The following VSX2 variants were observed in gnomAD, a reference collection of about 807,000 sequenced individuals.
VSX2 encodes the protein ceh-10 homeo domain containing homolog.
Under a neutral mutation model 32.1 loss-of-function variants are expected in VSX2, and 28 were observed. The ratio of observed to expected loss-of-function variants is 0.87; its 90% CI spans 0.65 to 1.20. The LOEUF is 1.20. Among genes scored for constraint, VSX2 ranks in the 50% most tolerant of loss-of-function variants. VSX2 has a pLI of 0.00. For synonymous variants in VSX2, 243 were observed against 214.1 expected (o/e 1.14, Z -1.18); for missense variants, 506 against 488.7 (o/e 1.04, Z -0.33).
rs1232952228 is a variant in VSX2 at position 74,261,824 on chromosome 14, T to A, written c.*905T>A. ...AATCTCGACTCTCGTGATATGCTGC[T>A]TGTGACCTTGACTTGCCATGAAGGC... On this transcript the variant is annotated 3_prime_UTR_variant, in exon 5 of 5. Transcript: ENST00000261980. The A allele has an allele frequency of 1.3e-5, 2 of 152,532 alleles. No individual in the cohort carries two copies. Among genetic ancestry groups the A allele is most frequent in the Non-Finnish European group, 2.9e-5 (2 of 68,316 alleles). The allele number at this position is 152,532 out of a possible 1,614,324, so 9.4% of individuals were successfully genotyped here.
rs960812795 is a variant in VSX2 at position 74,241,342 on chromosome 14, C to A, written c.455+76C>A. ...TCCCCCGTTCCGGGATCGGGTCTCT[C>A]GGACCCTATTTTCGCCGACAACGGA... On this transcript the variant is annotated intron_variant, in intron 2 of 4. Transcript: ENST00000261980. The A allele has an allele frequency of 4.0e-6, 6 of 1,493,808 alleles. No homozygotes were observed. The African/African-American group carries it at 4.1e-5, about 10-fold the overall frequency. 92.5% of individuals were successfully genotyped at this position (1,493,808 alleles called of 1,614,324 possible).
chr14:74,256,671 T>C (rs2079265084), intron 3 of VSX2, among the ~76,000 whole-genome samples: 2 of 30,098 alleles, frequency 6.6e-5, no homozygotes, highest in Non-Finnish European at 5.2e-5. Flanking sequence ...GAGTCATACT[T>C]TTTTTTTTTT....
intron 1 of VSX2, 35 bp from the exon 2 acceptor site, chr14:74,241,147 C>T: frequency 1.2e-6 from 2 of 1,606,094 alleles, no homozygotes; most frequent in South Asian, 2.2e-5. Context: ...AGCGCGTCCC[C>T]CACTCTGCCG....
At chr14:74,245,522 C>T (rs572954624) in intron 3 of VSX2, among the ~76,000 whole-genome samples, 3 of 152,210 alleles carry the variant, frequency 2.0e-5, no homozygotes, top group African/African-American at 7.2e-5. Context: ...ATAGGCTTCC[C>T]GGGGAGTATG....
Position 74,239,862 on chromosome 14 carries a change from C to T in VSX2, c.301C>T (p.Gln101Ter). 1 of 1,577,462 alleles carries T rather than the reference C, an allele frequency of 6.3e-7. No individual in the cohort carries two copies. Among genetic ancestry groups the T allele is most frequent in the Non-Finnish European group, 8.6e-7 (1 of 1,162,870 alleles). Residue 101 changes from glutamine to a stop codon, truncating the protein, a stop_gained, in exon 1 of 5, where the codon CAG (glutamine) becomes TAG (stop). Transcript: ENST00000261980. LOFTEE classifies it high-confidence loss of function. ...PTFLEVLSDP[Q>*]SVHLQPLGRA... is the part of the protein sequence containing the mutation. ...CTTCCTGGAAGTGCTGTCCGACCCGCAGAGCGTCCACTTGCAGCCATTGGG... is the reference window on the plus strand; with the variant it reads ...CTTCCTGGAAGTGCTGTCCGACCCGTAGAGCGTCCACTTGCAGCCATTGGG...
At chr14:74,244,821 C>G (rs1003910859) in intron 2 of VSX2, among the ~76,000 whole-genome samples, 1 of 150,934 alleles carries the variant, frequency 6.6e-6, no homozygotes, top group Non-Finnish European at 1.5e-5. Context: ...GTAGTGTGAG[C>G]CCTCAGCCTT....
Position 74,259,700 on chromosome 14 carries a change from G to A in VSX2, c.678G>A (p.Val226=). ...AGTATGGGCTCTACGGGGCCATGGT[G>A]CGGCACTCCATCCCCCTGCCCGAGT... ...MAEYGLYGAM[V]RHSIPLPESI... Residue 226 remains valine (V), a synonymous_variant, in exon 4 of 5, where the codon GTG becomes GTA. Coordinates refer to ENST00000261980, the MANE Select transcript of VSX2 (RefSeq NM_182894.3). 1 of 1,614,028 alleles carries A rather than the reference G, an allele frequency of 6.2e-7. No individual in the cohort carries two copies. The highest frequency in any genetic ancestry group is 8.5e-7 in the Non-Finnish European group (1 of 1,179,924).
chr14:74,253,874 G>A (rs2079245002), intron 3 of VSX2, among the ~76,000 whole-genome samples: 1 of 152,168 alleles, frequency 6.6e-6, no homozygotes, highest in South Asian at 2.1e-4. Context: ...AGGTTGCGGT[G>A]AGCTGAGATC....
chr14:74,261,764 C>G lies in VSX2; in HGVS notation c.*845C>G, dbSNP rs1408736059. ...TGTTCAGGAGTCCAAACCTTCTACCCTGGGTCCTCGGGCCCCTGAGCCTGT... is the reference window on the plus strand; with the variant it reads ...TGTTCAGGAGTCCAAACCTTCTACCGTGGGTCCTCGGGCCCCTGAGCCTGT... On this transcript the variant is annotated 3_prime_UTR_variant, in exon 5 of 5. Coordinates refer to ENST00000261980, the MANE Select transcript of VSX2 (RefSeq NM_182894.3). 1 of 152,372 alleles carries G rather than the reference C, an allele frequency of 6.6e-6. No individual in the cohort carries two copies. Among genetic ancestry groups the G allele is most frequent in the Non-Finnish European group, 1.5e-5 (1 of 68,184 alleles). The allele number at this position is 152,372 out of a possible 1,614,324, so 9.4% of individuals were successfully genotyped here.
chr14:74,244,954 GTGTGT>G (rs2079179336), intron 2 of VSX2, among the ~76,000 whole-genome samples: 1 of 75,726 alleles, frequency 1.3e-5, no homozygotes, highest in Admixed American at 1.3e-4. Context: ...AAGTGTGTGT[GTGTGT>G]GTGTGTGTGT....
intron 4 of VSX2, among the ~76,000 whole-genome samples, chr14:74,260,028 T>G (rs1322937347): frequency 6.6e-6 from 1 of 152,158 alleles, no homozygotes; most frequent in Non-Finnish European, 1.5e-5. Flanking sequence ...AACTGTGGAT[T>G]ATTTTGTCCT....
In VSX2 at chr14:74,262,719, A is replaced by G. The variant is rs961600156; in HGVS notation, c.*1800A>G. On this transcript the variant is annotated 3_prime_UTR_variant, in exon 5 of 5. Coordinates refer to ENST00000261980, the MANE Select transcript of VSX2 (RefSeq NM_182894.3). ...ATTTTCTGTAAAGATACAAGTAAGAATAAAATTGACTTAAAAATAGTAGGG... is the reference window on the plus strand; with the variant it reads ...ATTTTCTGTAAAGATACAAGTAAGAGTAAAATTGACTTAAAAATAGTAGGG... 4.6e-5 allele frequency: 7 copies of G among 152,228 alleles called. No individual in the cohort carries two copies. The highest frequency in any genetic ancestry group is 2.0e-4 in the Admixed American group (3 of 15,286). The allele number at this position is 152,228 out of a possible 1,614,324, so 9.4% of individuals were successfully genotyped here. A position where few individuals can be genotyped will look rare whatever the true frequency, so the allele number is the denominator to read the frequency against.
intron 2 of VSX2, among the ~76,000 whole-genome samples, chr14:74,244,051 G>A (rs996831912): frequency 6.6e-6 from 1 of 152,172 alleles, no homozygotes; most frequent in East Asian, 1.9e-4. Flanking sequence ...GTGAAATTAA[G>A]GTTTGAAAAG....
intron 3 of VSX2, among the ~76,000 whole-genome samples, chr14:74,252,228 T>G (rs575475763): frequency 8.5e-5 from 13 of 152,310 alleles, no homozygotes; most frequent in East Asian, 3.9e-4. Flanking sequence ...TGACAGGGTT[T>G]CCTGGCCTGC....
intron 3 of VSX2, among the ~76,000 whole-genome samples, chr14:74,248,719 G>C (rs1386791741): frequency 3.4e-5 from 5 of 146,686 alleles, no homozygotes; most frequent in South Asian, 2.2e-4. Flanking sequence ...AAAAAAAACA[G>C]AGAGAAATTA....
chr14:74,255,428 C>A (rs571786480), intron 3 of VSX2, among the ~76,000 whole-genome samples: 1 of 152,314 alleles, frequency 6.6e-6, no homozygotes, highest in East Asian at 1.9e-4. Flanking sequence ...TCACAGAGAG[C>A]CAGGCATTCC....
At chr14:74,247,243 T>C (rs568252342) in intron 3 of VSX2, among the ~76,000 whole-genome samples, 1 of 152,274 alleles carries the variant, frequency 6.6e-6, no homozygotes, top group African/African-American at 2.4e-5. Context: ...ACAGCGATCG[T>C]TTCCAGAGGA....
At chr14:74,258,170 T>C (rs917416) in intron 3 of VSX2, among the ~76,000 whole-genome samples, 94,388 of 152,132 alleles carry the variant, frequency 0.62, 31,767 homozygotes, top group East Asian at 0.93. Flanking sequence ...ACGAGGCGAG[T>C]GCTGCCTCCC....
intron 2 of VSX2, among the ~76,000 whole-genome samples, chr14:74,244,525 G>A (rs945380318): frequency 6.6e-6 from 1 of 152,150 alleles, no homozygotes; most frequent in African/African-American, 2.4e-5. Flanking sequence ...CACTGAGGTT[G>A]AGGCTGCATT....
Sources: gnomAD v4.1 joint callset for allele counts (sites outside exome capture counted in the v4.1 genomes callset) on GRCh38, gnomAD v4.1.1 for gene constraint, MANE v1.5 for transcripts, NCBI Gene and HGNC (gene_info 2026-07-23, HGNC 2026-07-21) for gene names.